Variants in COL4A5 observed in about 807,000 individuals in gnomAD.
COL4A5 encodes the protein collagen alpha-5(IV) chain.
COL4A5 carries 26 observed loss-of-function variants against 130.2 expected under a neutral mutation model. The ratio of observed to expected loss-of-function variants is 0.20; its 90% CI spans 0.15 to 0.28. The LOEUF (loss-of-function observed/expected upper bound fraction) is 0.28, where lower values mean the gene tolerates loss of function less well. Among genes scored for constraint, COL4A5 ranks in the 10% least tolerant of loss-of-function variants. COL4A5 has a pLI of 1.00. For missense variants in COL4A5, 1,131 were observed against 1,344.3 expected, an observed-to-expected ratio of 0.84 and a Z score of 2.48; for synonymous variants, 496 against 439.6, an observed-to-expected ratio of 1.13 and a Z score of -1.60.
chrX:108,542,137 C>T (rs938715549), intron 2 of COL4A5, among the ~76,000 whole-genome samples: 30 of 111,470 alleles, frequency 2.7e-4, no homozygotes, highest in South Asian at 1.5e-3. Flanking sequence ...ACTTTAAGTT[C>T]TAGGGTACAT....
At chrX:108,457,669 G>A (rs1050998307) in intron 1 of COL4A5, among the ~76,000 whole-genome samples, 2 of 111,486 alleles carry the variant, frequency 1.8e-5, no homozygotes, top group African/African-American at 3.3e-5. Context: ...AACTACTGCC[G>A]TAATCAAGAC....
At chrX:108,644,849 G>A (rs1256323982) in intron 36 of COL4A5, among the ~76,000 whole-genome samples, 1 of 104,463 alleles carries the variant, frequency 9.6e-6, no homozygotes, top group Non-Finnish European at 2.0e-5. Flanking sequence ...GCAGTGAGCC[G>A]AGATTATGCC....
intron 1 of COL4A5, among the ~76,000 whole-genome samples, chrX:108,488,912 C>T (rs779676351): frequency 9.0e-6 from 1 of 111,587 alleles, no homozygotes; most frequent in South Asian, 3.7e-4. Flanking sequence ...ATAATTCACT[C>T]ATTATACAAC....
At chrX:108,486,242 C>A (rs1243970098) in intron 1 of COL4A5, among the ~76,000 whole-genome samples, 1 of 111,511 alleles carries the variant, frequency 9.0e-6, no homozygotes, top group African/African-American at 3.3e-5. Context: ...CCAGTGCCTC[C>A]TTCAGTGATA....
rs1412269333 is a variant in COL4A5 at position 108,670,671 on chromosome X, T to G, written c.3799+435T>G. 11 of 328,957 alleles carry G rather than the reference T, an allele frequency of 3.3e-5. No individual in the cohort carries two copies. The Admixed American group carries it at 3.5e-4, about 10-fold the overall frequency. The allele number at this position is 328,957 out of a possible 1,213,427, so 27.1% of individuals were successfully genotyped here. A position where few individuals can be genotyped will look rare whatever the true frequency, so the allele number is the denominator to read the frequency against. ...AATATGTAATTCTTAACTTGCCATA[T>G]CTTTTGCAGGTTTTCAAACTATCCC... On this transcript the variant is annotated intron_variant, in intron 42 of 52. Coordinates refer to ENST00000328300, the MANE Select transcript of COL4A5 (RefSeq NM_033380.3).
intron 1 of COL4A5, among the ~76,000 whole-genome samples, chrX:108,455,934 G>A (rs959828824): frequency 1.8e-5 from 2 of 111,500 alleles, no homozygotes; most frequent in Admixed American, 9.5e-5. Context: ...ATTCAGGATT[G>A]TGTTAGCTTT....
At position 108,624,299 on chromosome X, in the gene COL4A5, G is replaced by C; in HGVS notation, c.2981G>C (p.Gly994Ala). The change falls in exon 34 of 53, where the codon GGA (glycine) becomes GCA (alanine). Residue 994 changes from glycine (G) to alanine (A), a missense_variant. Gly to Ala is a moderately conservative substitution (Grantham distance 60). Transcript: ENST00000328300. ...TTGCCTGGAGACCCAGGGCAACCTG[G>C]ACTGAGTGGACAACCTGGATTACCA... ...QGLPGDPGQP[G>A]LSGQPGLPGP... 1 of 1,210,112 alleles carries C rather than the reference G, an allele frequency of 8.3e-7. No homozygotes were observed. Among genetic ancestry groups the C allele is most frequent in the Non-Finnish European group, 1.1e-6 (1 of 894,499 alleles).
At chrX:108,500,117 C>A (rs1377312247) in intron 1 of COL4A5, among the ~76,000 whole-genome samples, 1 of 111,953 alleles carries the variant, frequency 8.9e-6, no homozygotes, top group Non-Finnish European at 1.9e-5. Flanking sequence ...AAAGTAAATA[C>A]CTGAACTGTT....
chrX:108,687,406 A>T (rs922589061), intron 48 of COL4A5, 76 bp from the exon 49 acceptor site: 1 of 867,560 alleles, frequency 1.2e-6, no homozygotes, highest in Non-Finnish European at 1.7e-6. Context: ...AAATGAGGTC[A>T]TAATGTTTTG....
intron 1 of COL4A5, among the ~76,000 whole-genome samples, chrX:108,469,230 C>T (rs2096494420): frequency 1.0e-5 from 1 of 97,859 alleles, no homozygotes; most frequent in Middle Eastern, 6.7e-3. Flanking sequence ...TCTCAAACTC[C>T]TGAGCTCAAA....
intron 1 of COL4A5, among the ~76,000 whole-genome samples, chrX:108,526,491 C>T (rs896854212): frequency 2.8e-5 from 3 of 108,433 alleles, no homozygotes; most frequent in Non-Finnish European, 3.8e-5. Context: ...TTCTTCCTTT[C>T]TTTCTTTCTC....
chrX:108,554,091 G>A (rs758853955), intron 2 of COL4A5, among the ~76,000 whole-genome samples: 1 of 111,563 alleles, frequency 9.0e-6, no homozygotes, highest in African/African-American at 3.3e-5. Flanking sequence ...GATGGATATA[G>A]GCATAAGGAA....
At position 108,549,973 on chromosome X, in the gene COL4A5, C is replaced by T. The variant is rs766449391; in HGVS notation, c.142-9091C>T. On this transcript the variant is annotated intron_variant, in intron 2 of 52. Coordinates refer to ENST00000328300, the MANE Select transcript of COL4A5 (RefSeq NM_033380.3). ...TACCAAAAACAAAAACAAATAAATGCGTGAGTGAAAGAAAGAAGCAAAATA... is the reference window on the plus strand; with the variant it reads ...TACCAAAAACAAAAACAAATAAATGTGTGAGTGAAAGAAAGAAGCAAAATA... Among the ~76,000 whole-genome samples the T allele has an allele frequency of 9.0e-5, 10 of 111,127 alleles. No homozygotes were observed. In the South Asian group the frequency reaches 3.0e-3, roughly 33 times the overall value.
intron 1 of COL4A5, among the ~76,000 whole-genome samples, chrX:108,497,322 A>G (rs1303610828): frequency 8.9e-6 from 1 of 112,104 alleles, no homozygotes; most frequent in East Asian, 2.8e-4. Context: ...TAATGCTGCT[A>G]TGAATATTTG....
chrX:108,481,006 G>C (rs1021128574), intron 1 of COL4A5, among the ~76,000 whole-genome samples: 2 of 111,877 alleles, frequency 1.8e-5, no homozygotes, highest in Non-Finnish European at 3.8e-5. Flanking sequence ...GGGATCCAAC[G>C]TGGGGGTTCT....
chrX:108,688,453 T>TG (rs1162311417), intron 49 of COL4A5, among the ~76,000 whole-genome samples: 1 of 109,899 alleles, frequency 9.1e-6, no homozygotes. Flanking sequence ...TTTTTTTTTT[T>TG]GATACGGAGC....
chrX:108,542,935 G>A (rs755129587), intron 2 of COL4A5, among the ~76,000 whole-genome samples: 3 of 108,336 alleles, frequency 2.8e-5, no homozygotes, highest in South Asian at 8.2e-4. Context: ...CATATCCTTT[G>A]CCCACTTTTT....
intron 2 of COL4A5, among the ~76,000 whole-genome samples, chrX:108,546,443 C>G (rs2065656434): frequency 1.8e-5 from 2 of 112,135 alleles, no homozygotes; most frequent in Admixed American, 9.4e-5. Flanking sequence ...GGCCCCCACT[C>G]TCTTCTGGCT....
At chrX:108,661,253 A>T (rs1268505874) in intron 37 of COL4A5, among the ~76,000 whole-genome samples, 1 of 111,779 alleles carries the variant, frequency 8.9e-6, no homozygotes, top group Non-Finnish European at 1.9e-5. Flanking sequence ...TTTGGAGTGC[A>T]TATTAGATCA....
Sources: gnomAD v4.1 joint callset for allele counts (sites outside exome capture counted in the v4.1 genomes callset) on GRCh38, gnomAD v4.1.1 for gene constraint, MANE v1.5 for transcripts, NCBI Gene and HGNC (gene_info 2026-07-23, HGNC 2026-07-21) for gene names.